Variants in RPRD2 observed in about 807,000 individuals in gnomAD.
RPRD2 encodes regulation of nuclear pre-mRNA domain-containing protein 2.
In RPRD2, 12 loss-of-function variants were observed where a neutral mutation model predicts 104.4. The observed-to-expected ratio is 0.11, with a 90% CI of 0.07 to 0.19. The LOEUF is 0.19. Ranked by LOEUF, RPRD2 falls within the 10% of genes least tolerant of loss-of-function variation. The probability of loss-of-function intolerance (pLI) is 1.00; values close to 1 mark genes in which losing one functional copy is unlikely to be tolerated. For synonymous variants in RPRD2, 714 were observed against 684.9 expected, an observed-to-expected ratio of 1.04 and a Z score of -0.66; for missense variants, 1,543 against 1,790.1, an observed-to-expected ratio of 0.86 and a Z score of 2.49.
intron 1 of RPRD2, among the ~76,000 whole-genome samples, chr1:150,368,855 AC>A (rs1660051480): frequency 6.6e-6 from 1 of 151,574 alleles, no homozygotes; most frequent in Non-Finnish European, 1.5e-5. Context: ...CGATCTACCC[AC>A]CTCAGCCTCC....
intron 1 of RPRD2, among the ~76,000 whole-genome samples, chr1:150,394,591 TTTG>T (rs1662347320): frequency 6.6e-6 from 1 of 152,122 alleles, no homozygotes; most frequent in African/African-American, 2.4e-5. Flanking sequence ...GGAGTTTTTT[TTTG>T]TTTTGTTTTT....
intron 1 of RPRD2, among the ~76,000 whole-genome samples, chr1:150,376,676 A>AT (rs1242957906): frequency 6.6e-6 from 1 of 150,814 alleles, no homozygotes; most frequent in Middle Eastern, 3.4e-3. Flanking sequence ...GATTTTTTGT[A>AT]TTTTTAGTAG....
Position 150,380,904 on chromosome 1 carries a change from C to T in RPRD2, c.205+15985C>T, listed in dbSNP as rs373175641. ...TCTCTTGACCTTGTGATCTGCCCGG[C>T]TTGGCCTCCCAAAGTGCTGGGATTA... On this transcript the variant is annotated intron_variant, in intron 1 of 10. Transcript: ENST00000369068. Among the ~76,000 whole-genome samples the T allele has an allele frequency of 5.3e-5, 8 of 152,318 alleles. No homozygotes were observed. In the South Asian group the frequency reaches 1.7e-3, roughly 32 times the overall value.
chr1:150,431,473 ATTTT>A (rs1160491386), intron 2 of RPRD2, among the ~76,000 whole-genome samples: 24 of 78,842 alleles, frequency 3.0e-4, no homozygotes, highest in South Asian at 6.2e-4. Flanking sequence ...AAAAGGAAGG[ATTTT>A]TTTTTTTTTT....
intron 1 of RPRD2, among the ~76,000 whole-genome samples, chr1:150,400,315 G>A (rs1553885066): frequency 6.6e-6 from 1 of 152,148 alleles, no homozygotes; most frequent in African/African-American, 2.4e-5. Context: ...CATAGAGATG[G>A]TTTAGTTTCT....
At chr1:150,395,965 T>C (rs1662488405) in intron 1 of RPRD2, among the ~76,000 whole-genome samples, 1 of 152,250 alleles carries the variant, frequency 6.6e-6, no homozygotes, top group Non-Finnish European at 1.5e-5. Flanking sequence ...ACCAGCAGTG[T>C]AGAAGTGTTC....
rs1178696426 is a variant in RPRD2 at position 150,471,814 on chromosome 1, A to G, written c.2866A>G (p.Ser956Gly). ...GTCTCAATCTACCACTGGGCATCTC[A>G]GTTTGCCACAGAAGCAGTACCCAGA... ...SLSQSTTGHLSLPQKQYPDSP... is the reference protein window; with the variant it reads ...SLSQSTTGHLGLPQKQYPDSP... The change falls in exon 11 of 11, where the codon AGT (serine) becomes GGT (glycine). Residue 956 changes from serine to glycine, a missense_variant. By Grantham distance (56) the Ser-to-Gly change is moderately conservative. Around this residue, in one of 4 missense-constraint regions of RPRD2, gnomAD observed 880 missense variants for 885.6 expected, o/e 0.99. Transcript: ENST00000369068. This position sits in a 1 kb window ranked among gnomAD's most constrained non-coding sequence, Gnocchi z 5.3. 12 of 1,613,622 alleles carry G rather than the reference A, an allele frequency of 7.4e-6. No individual in the cohort carries two copies. The African/African-American group carries it at 1.5e-4, about 20-fold the overall frequency.
intron 7 of RPRD2, among the ~76,000 whole-genome samples, chr1:150,447,736 T>G (rs2102376031): frequency 6.6e-6 from 1 of 152,354 alleles, no homozygotes; most frequent in East Asian, 1.9e-4. Context: ...TGAATTTTTT[T>G]TAAGTTTTAA....
chr1:150,415,047 G>A (rs993139651), intron 1 of RPRD2, among the ~76,000 whole-genome samples: 2 of 152,028 alleles, frequency 1.3e-5, no homozygotes, highest in Non-Finnish European at 2.9e-5. Context: ...ATAAGAGGTC[G>A]GGTGCGGTGG....
rs1553898560 is a variant in RPRD2 at position 150,460,269 on chromosome 1, A to G, written c.1363A>G (p.Lys455Glu). 1 of 1,613,170 alleles carries G rather than the reference A, an allele frequency of 6.2e-7. No individual in the cohort carries two copies. Among genetic ancestry groups the G allele is most frequent in the East Asian group, 2.2e-5 (1 of 44,882 alleles). Residue 455 changes from lysine to glutamate, a missense_variant, in exon 9 of 11, where the codon AAG (lysine) becomes GAG (glutamate). This residue lies in a region of RPRD2 where 572 missense variants were observed against 787.3 expected (regional missense o/e 0.73). Transcript: ENST00000369068. Reference sequence around the variant, plus strand: ...AAACCTGGCTAATGTGGATCTGGCAAAGATCAGTTCCATCCTTAGCAGTTT... The same window carrying G: ...AAACCTGGCTAATGTGGATCTGGCAGAGATCAGTTCCATCCTTAGCAGTTT... The part of the protein sequence containing the change: ...LPNLANVDLA[K>E]ISSILSSLTS...
At position 150,471,473 on chromosome 1, in the gene RPRD2, C is replaced by T. The variant is rs771262786; in HGVS notation, c.2525C>T (p.Pro842Leu). The change falls in exon 11 of 11, where the codon CCA (proline) becomes CTA (leucine). Residue 842 changes from proline (P) to leucine (L), a missense_variant. Pro to Leu is a moderately conservative substitution (Grantham distance 98). This residue lies in a region of RPRD2 where 880 missense variants were observed against 885.6 expected (regional missense o/e 0.99). Coordinates refer to ENST00000369068, the MANE Select transcript of RPRD2 (RefSeq NM_015203.5). This position sits in a 1 kb window ranked among gnomAD's most constrained non-coding sequence, Gnocchi z 5.3. ...CGAGATTTTGAGTATTCAGGGCCTCCACCCTCTGCCATGATGAACCTAGAG... is the reference window on the plus strand; with the variant it reads ...CGAGATTTTGAGTATTCAGGGCCTCTACCCTCTGCCATGATGAACCTAGAG... The part of the protein sequence containing the change: ...DYRDFEYSGP[P>L]PSAMMNLEKK... The T allele has an allele frequency of 4.3e-6, 7 of 1,613,902 alleles. No homozygotes were observed. In the Middle Eastern group the frequency reaches 1.2e-3, roughly 266 times the overall value.
At chr1:150,369,953 GTA>G in intron 1 of RPRD2, among the ~76,000 whole-genome samples, 2 of 151,120 alleles carry the variant, frequency 1.3e-5, no homozygotes, top group East Asian at 3.9e-4. Context: ...ACTAATTTTT[GTA>G]TTTTTTAGTA....
chr1:150,404,345 C>G (rs1553886068), intron 1 of RPRD2, among the ~76,000 whole-genome samples: 1 of 152,138 alleles, frequency 6.6e-6, no homozygotes, highest in Non-Finnish European at 1.5e-5. Flanking sequence ...CTCCCAGGCT[C>G]AAGTGATCCT....
At chr1:150,376,797 G>T (rs1310179047) in intron 1 of RPRD2, among the ~76,000 whole-genome samples, 1 of 151,510 alleles carries the variant, frequency 6.6e-6, no homozygotes, top group African/African-American at 2.4e-5. Flanking sequence ...ACCGCGCCCG[G>T]CCGATACAGT....
At chr1:150,446,898 CA>C (rs1666816541) in intron 7 of RPRD2, among the ~76,000 whole-genome samples, 1 of 138,928 alleles carries the variant, frequency 7.2e-6, no homozygotes, top group Middle Eastern at 3.8e-3. Context: ...TGCAGTGGTG[CA>C]ATCTCAGCAC....
Position 150,457,422 on chromosome 1 carries a change from G to A in RPRD2, c.1005G>A (p.Glu335=). The A allele has an allele frequency of 6.2e-7, 1 of 1,613,912 alleles. No homozygotes were observed. Among genetic ancestry groups the A allele is most frequent in the South Asian group, 1.1e-5 (1 of 91,076 alleles). ...ACGCTCCCTCCCCGACTGGTTCTGA[G>A]TCTCCTTTTCAGGGAATGGGAGGTG... ...SMDAPSPTGS[E]SPFQGMGGEE... is the part of the protein sequence containing the mutation. Residue 335 remains glutamate, a synonymous_variant, in exon 8 of 11, where the codon GAG becomes GAA. Coordinates refer to ENST00000369068, the MANE Select transcript of RPRD2 (RefSeq NM_015203.5).
In RPRD2 at chr1:150,364,688, G is replaced by A. The variant is rs1191694158; in HGVS notation, c.-27G>A. 2.8e-6 allele frequency: 4 copies of A among 1,414,774 alleles called. No individual in the cohort carries two copies. Among genetic ancestry groups the A allele is most frequent in the Non-Finnish European group, 3.9e-6 (4 of 1,029,604 alleles). 87.6% of individuals were successfully genotyped at this position (1,414,774 alleles called of 1,614,324 possible). On this transcript the variant is annotated 5_prime_UTR_variant, in exon 1 of 11. Coordinates refer to ENST00000369068, the MANE Select transcript of RPRD2 (RefSeq NM_015203.5). ...CGCCGCCGCCGCCGCCGCCAGAGGAGCAGCAGCGCTTGTGCAAACCGGGAA... is the reference window on the plus strand; with the variant it reads ...CGCCGCCGCCGCCGCCGCCAGAGGAACAGCAGCGCTTGTGCAAACCGGGAA...
At chr1:150,457,649 TATTGAAA>T in intron 8 of RPRD2, 79 bp downstream of exon 8, 1 of 1,166,988 alleles carries the variant, frequency 8.6e-7, no homozygotes, top group Non-Finnish European at 1.3e-6. Context: ...CACAGGCAGG[TATTGAAA>T]GATAGTTCAT....
At position 150,470,735 on chromosome 1, in the gene RPRD2, C is replaced by T. The variant is rs968833746; in HGVS notation, c.1787C>T (p.Ser596Leu). The T allele has an allele frequency of 6.2e-7, 1 of 1,614,060 alleles. No individual in the cohort carries two copies. The change falls in exon 11 of 11, where the codon TCA (serine) becomes TTA (leucine). Residue 596 changes from serine to leucine, a missense_variant. Transcript: ENST00000369068. ...AAAAGCTTCAACTATTCTCCTAACTCATCAACTTCTGAAGTCTCTTCAACT... is the reference window on the plus strand; with the variant it reads ...AAAAGCTTCAACTATTCTCCTAACTTATCAACTTCTGAAGTCTCTTCAACT... ...IPKSFNYSPNSSTSEVSSTSA... is the reference protein window; with the variant it reads ...IPKSFNYSPNLSTSEVSSTSA...
Sources: allele counts gnomAD v4.1 joint callset (sites outside exome capture counted in the v4.1 genomes callset), GRCh38; gene constraint gnomAD v4.1.1; regional missense constraint gnomAD v4.1.1; non-coding constraint Gnocchi (gnomAD v3.1); transcripts MANE v1.5; gene names NCBI Gene and HGNC (gene_info 2026-07-23, HGNC 2026-07-21).